Variants in ACACB observed in about 807,000 individuals in gnomAD.
ACACB encodes the protein acetyl-CoA carboxylase beta.
Under a neutral mutation model 278.8 loss-of-function variants are expected in ACACB, and 209 were observed. That is an observed-to-expected ratio of 0.75 (90% CI 0.67 to 0.84). ACACB has a LOEUF of 0.84. ACACB is among the 40% of genes least tolerant of loss of function. ACACB has a pLI of 0.00. For synonymous variants in ACACB, 1,174 were observed against 1,285.6 expected, an observed-to-expected ratio of 0.91 and a Z score of 1.86; for missense variants, 2,850 against 3,269.0, an observed-to-expected ratio of 0.87 and a Z score of 3.13.
chr12:109,247,073 C>A (rs1292648417), intron 39 of ACACB, among the ~76,000 whole-genome samples: 3 of 151,776 alleles, frequency 2.0e-5, no homozygotes, highest in Admixed American at 6.6e-5. Flanking sequence ...CTGAGTGAGA[C>A]CCCCCATCTC....
intron 1 of ACACB, among the ~76,000 whole-genome samples, chr12:109,123,062 TC>T (rs2042588542): frequency 6.6e-6 from 1 of 151,488 alleles, no homozygotes. Flanking sequence ...GTGCCTGTAG[TC>T]CCAGCTACTC....
At chr12:109,191,521 T>A in intron 13 of ACACB, 92 bp from the exon 14 acceptor site, 1 of 1,539,060 alleles carries the variant, frequency 6.5e-7, no homozygotes, top group African/African-American at 1.4e-5. Context: ...GCCACTCCTG[T>A]GCTTTTCCAG....
rs567861529 is a variant in ACACB, at chr12:109,223,872, G to T, written c.3850G>T (p.Ala1284Ser). Residue 1284 changes from alanine to serine, a missense_variant, in exon 27 of 53, where the codon GCA becomes TCA. Around this residue, in one of 3 missense-constraint regions of ACACB, gnomAD observed 2,265 missense variants for 2,561.3 expected, o/e 0.88. Coordinates refer to ENST00000338432, the MANE Select transcript of ACACB (RefSeq NM_001093.4). ...FDVLPTFFYH[A>S]NKVVCMASLE... The stretch of plus-strand genomic sequence containing the variant: ...CGTCCTGCCTACTTTCTTCTATCAC[G>T]CAAACAAAGTCGTGTGCATGGCGTC... 2.9e-5 allele frequency: 46 copies of T among 1,613,998 alleles called. No homozygotes were observed. In the Admixed American group the frequency reaches 4.2e-4, roughly 15 times the overall value.
At chr12:109,218,892 G>A (rs189419699) in intron 24 of ACACB, among the ~76,000 whole-genome samples, 49 of 151,248 alleles carry the variant, frequency 3.2e-4, no homozygotes, top group African/African-American at 1.2e-3. Flanking sequence ...TCTCAGCCTC[G>A]TTTAGCTGGG....
intron 44 of ACACB, among the ~76,000 whole-genome samples, chr12:109,255,822 C>A (rs1210915372): frequency 6.6e-6 from 1 of 152,254 alleles, no homozygotes; most frequent in Non-Finnish European, 1.5e-5. Context: ...TCTGTCCACT[C>A]TCTGCATCTT....
rs753077066 is a variant in ACACB, at chr12:109,222,816, C to T, written c.3696C>T (p.His1232=). The T allele has an allele frequency of 5.0e-6, 8 of 1,613,722 alleles. No individual in the cohort carries two copies. Among genetic ancestry groups the T allele is most frequent in the Middle Eastern group, 1.6e-4 (1 of 6,062 alleles). The part of the protein sequence containing the change: ...LRARQILIAS[H]LPSYELRHNQ... The stretch of plus-strand genomic sequence containing the variant: ...CCCTGCAGATCCTGATTGCCTCCCA[C>T]CTCCCCTCCTACGAGCTGCGGCATA... The change falls in exon 26 of 53, where the codon CAC becomes CAT. Residue 1232 remains histidine (H), a synonymous_variant. Coordinates refer to ENST00000338432, the MANE Select transcript of ACACB (RefSeq NM_001093.4).
chr12:109,242,710 A>T lies in ACACB; in HGVS notation c.5178+118A>T, dbSNP rs1331717725. The T allele has an allele frequency of 2.3e-6, 3 of 1,290,674 alleles. No individual in the cohort carries two copies. In the South Asian group the frequency reaches 4.4e-5, roughly 19 times the overall value. The allele number at this position is 1,290,674 out of a possible 1,614,324, so 80.0% of individuals were successfully genotyped here. On this transcript the variant is annotated intron_variant, in intron 37 of 52. Transcript: ENST00000338432. ...CTAGTCTAAAGGACAAGGTCTTGCC[A>T]GGTGCGGTGGCTCACGCCTATAATC...
chr12:109,179,939 C>G lies in ACACB; in HGVS notation c.1670C>G (p.Thr557Ser), dbSNP rs1362080629. ...CAGTGTGCCATCCGCCTGGCCAAGACCGTGGGCTATGTGAGTGCAGGGACA... is the reference window on the plus strand; with the variant it reads ...CAGTGTGCCATCCGCCTGGCCAAGAGCGTGGGCTATGTGAGTGCAGGGACA... ...MEQCAIRLAK[T>S]VGYVSAGTVE... The change falls in exon 11 of 53, where the codon ACC becomes AGC. Residue 557 changes from threonine (T) to serine (S), a missense_variant. Physicochemically the swap from Thr to Ser is moderately conservative, Grantham distance 58. Coordinates refer to ENST00000338432, the MANE Select transcript of ACACB (RefSeq NM_001093.4). 5 of 1,610,430 alleles carry G rather than the reference C, an allele frequency of 3.1e-6. No homozygotes were observed. The highest frequency in any genetic ancestry group is 4.2e-6 in the Non-Finnish European group (5 of 1,177,058).
chr12:109,221,879 CT>C lies in ACACB; in HGVS notation c.3565-613del, dbSNP rs34724260. Among the ~76,000 whole-genome samples the C allele has an allele frequency of 2.9e-3, 373 of 130,064 alleles. 1 individual carries two copies. Among genetic ancestry groups the C allele is most frequent in the South Asian group, 8.6e-3 (36 of 4,176 alleles). 85.3% of individuals were successfully genotyped at this position (130,064 alleles called of 152,430 possible). ...TAGTATGTGCCTGATAATCACTGAC[CT>C]TTTTTTTTTTTTTTGGGGGGGAGAC... On this transcript the variant is annotated intron_variant, in intron 24 of 52. Transcript: ENST00000338432.
At chr12:109,193,561 A>T in intron 15 of ACACB, 87 bp from the exon 16 acceptor site, 1 of 1,091,306 alleles carries the variant, frequency 9.2e-7, no homozygotes, top group Non-Finnish European at 1.4e-6. Context: ...TGATGCAGAG[A>T]GTTGCGTAAT....
rs565355294 is a variant in ACACB at position 109,140,179 on chromosome 12, A to C, written c.653+121A>C. 98 of 1,069,308 alleles carry C rather than the reference A, an allele frequency of 9.2e-5. 1 individual carries two copies. The African/African-American group carries it at 1.4e-3, about 15-fold the overall frequency. The allele number at this position is 1,069,308 out of a possible 1,614,324, so 66.2% of individuals were successfully genotyped here. On this transcript the variant is annotated intron_variant, in intron 2 of 52. Transcript: ENST00000338432. ...TGATGCCAAAGCTTCAAGGGTGGCT[A>C]TGCACAAAAGGAGAAGACACGAGCC...
At chr12:109,172,130 C>T (rs1424322157) in intron 5 of ACACB, 145 bp from the exon 6 acceptor site, 6 of 845,542 alleles carry the variant, frequency 7.1e-6, no homozygotes, top group Non-Finnish European at 9.6e-6. Context: ...CCATGTTGGC[C>T]AGGCTGGTCT....
chr12:109,145,870 G>A (rs901957356), intron 2 of ACACB, among the ~76,000 whole-genome samples: 1 of 151,766 alleles, frequency 6.6e-6, no homozygotes, highest in East Asian at 1.9e-4. Flanking sequence ...TTAGCTGGGC[G>A]TGGTGGCAGG....
chr12:109,223,030 C>T lies in ACACB; in HGVS notation c.3792+118C>T, dbSNP rs1241058014. On this transcript the variant is annotated intron_variant, in intron 26 of 52. Transcript: ENST00000338432. ...TGCTCAGTGGGGTGCAGGGCACAGC[C>T]ACAGATGCAGACAGTTCAGCCCAAT... is the stretch of plus-strand genomic sequence containing the variant. 2.7e-5 allele frequency: 22 copies of T among 804,028 alleles called. No homozygotes were observed. The Admixed American group carries it at 4.7e-4, about 17-fold the overall frequency. The allele number at this position is 804,028 out of a possible 1,614,324, so 49.8% of individuals were successfully genotyped here. A position where few individuals can be genotyped will look rare whatever the true frequency, so the allele number is the denominator to read the frequency against.
chr12:109,142,592 AG>A (rs1455843591), intron 2 of ACACB, among the ~76,000 whole-genome samples: 1 of 151,840 alleles, frequency 6.6e-6, no homozygotes, highest in African/African-American at 2.4e-5. Context: ...TTTTGGACAG[AG>A]TCTCACTCTG....
chr12:109,193,730 G>A lies in ACACB; in HGVS notation c.2481+1G>A. 1 of 1,611,756 alleles carries A rather than the reference G, an allele frequency of 6.2e-7. No homozygotes were observed. The highest frequency in any genetic ancestry group is 2.2e-5 in the East Asian group (1 of 44,868). On this transcript the variant is annotated splice_donor_variant, in intron 16 of 52. Transcript: ENST00000338432. LOFTEE classifies it high-confidence loss of function. ...CGGAGGTGTTAAGTACATTCTCAAG[G>A]TAAATGCCCCCGTGCCTCTCCGATG...
At position 109,167,000 on chromosome 12, in the gene ACACB, A is replaced by G. The variant is rs2043930748; in HGVS notation, c.786+7A>G. ...GGATCGGGTCATCGAGAAGGTACAG[A>G]TGGGTCTCGGCACTCTGGGTGGGGT... On this transcript the variant is annotated splice_region_variant and intron_variant, in intron 3 of 52. Coordinates refer to ENST00000338432, the MANE Select transcript of ACACB (RefSeq NM_001093.4). 1 of 1,613,758 alleles carries G rather than the reference A, an allele frequency of 6.2e-7. No individual in the cohort carries two copies. Among genetic ancestry groups the G allele is most frequent in the Non-Finnish European group, 8.5e-7 (1 of 1,179,934 alleles).
chr12:109,233,512 A>G (rs991301856), intron 29 of ACACB, among the ~76,000 whole-genome samples: 8 of 152,320 alleles, frequency 5.3e-5, no homozygotes, highest in South Asian at 4.1e-4. Context: ...CCTTCCCTGT[A>G]TTCCTGATCA....
intron 19 of ACACB, among the ~76,000 whole-genome samples, chr12:109,206,149 A>C (rs1166017052): frequency 1.3e-5 from 2 of 152,132 alleles, no homozygotes; most frequent in African/African-American, 4.8e-5. Flanking sequence ...AACAACAAAC[A>C]GATCGGCCGG....
Sources: allele counts gnomAD v4.1 joint callset (sites outside exome capture counted in the v4.1 genomes callset), GRCh38; gene constraint gnomAD v4.1.1; regional missense constraint gnomAD v4.1.1; transcripts MANE v1.5; gene names NCBI Gene and HGNC (gene_info 2026-07-23, HGNC 2026-07-21).